The following NDUFS8 variants were observed in gnomAD, a reference collection of about 807,000 sequenced individuals.
NDUFS8 encodes the protein NADH:ubiquinone oxidoreductase core subunit S8, also known as NADH dehydrogenase [ubiquinone] iron-sulfur protein 8, mitochondrial.
NDUFS8 carries 13 observed loss-of-function variants against 25.6 expected under a neutral mutation model. That is an observed-to-expected ratio of 0.51 (90% confidence interval 0.33 to 0.81). NDUFS8 has a LOEUF of 0.81. NDUFS8 is among the 30% of genes least tolerant of loss of function. NDUFS8 has a pLI of 0.02. For synonymous variants in NDUFS8, 119 were observed against 119.4 expected (o/e 1.00, Z 0.02); for missense variants, 257 against 300.9 (o/e 0.85, Z 1.08).
intron 3 of NDUFS8, 188 bp from the exon 4 acceptor site, chr11:68,032,735 G>A (rs766645472): frequency 2.6e-5 from 21 of 797,010 alleles, no homozygotes; most frequent in African/African-American, 5.1e-5. Context: ...AGGTAGGCAC[G>A]GACGGGCTCA....
intron 5 of NDUFS8, chr11:68,034,040 G>A (rs889780209): frequency 6.5e-6 from 1 of 155,006 alleles, no homozygotes; most frequent in African/African-American, 2.4e-5. Context: ...GCTGTCCACA[G>A]ACAGACCCGG....
chr11:68,030,888 G>T, intron 1 of NDUFS8, 155 bp downstream of exon 1: 1 of 447,910 alleles, frequency 2.2e-6, no homozygotes, highest in Non-Finnish European at 4.5e-6. Context: ...GTGCAGCGGG[G>T]AGCCGGCTCT....
At chr11:68,032,520 C>T (rs976301824) in intron 3 of NDUFS8, 184 bp downstream of exon 3, 9 of 1,503,188 alleles carry the variant, frequency 6.0e-6, no homozygotes, top group South Asian at 2.5e-5. Context: ...CCATCATTGC[C>T]GAGGTTAGCA....
At chr11:68,033,761 C>T (rs1264777602) in intron 5 of NDUFS8, 1 of 232,344 alleles carries the variant, frequency 4.3e-6, no homozygotes, top group Non-Finnish European at 8.8e-6. Flanking sequence ...ATGACTCGGT[C>T]AGAGCTCTGG....
intron 3 of NDUFS8, 29 bp downstream of exon 3, chr11:68,032,365 G>C: frequency 6.2e-7 from 1 of 1,612,962 alleles, no homozygotes; most frequent in Non-Finnish European, 8.5e-7. Flanking sequence ...TCTAGCCTCA[G>C]GTGTTCCTGA....
chr11:68,036,031 AAAAAAAAAAAAC>A, intron 5 of NDUFS8: 2 of 515,462 alleles, frequency 3.9e-6, no homozygotes, highest in Non-Finnish European at 3.4e-6. Context: ...AAAAAAAAAA[AAAAAAAAAAAAC>A]CAGCAAGGCA....
chr11:68,035,478 C>A, intron 5 of NDUFS8: 2 of 233,112 alleles, frequency 8.6e-6, no homozygotes, highest in Non-Finnish European at 1.8e-5. Context: ...AAGTGCTGAC[C>A]CAGAGATAAG....
intron 5 of NDUFS8, chr11:68,034,884 C>T (rs986968618): frequency 6.6e-6 from 1 of 151,916 alleles, no homozygotes; most frequent in African/African-American, 2.4e-5. Context: ...GCCTGGCCAA[C>T]ATGTTGAAAC....
At chr11:68,034,235 T>G (rs1854835637) in intron 5 of NDUFS8, 1 of 152,224 alleles carries the variant, frequency 6.6e-6, no homozygotes, top group Non-Finnish European at 1.5e-5. Flanking sequence ...CCAAGCACAT[T>G]TGAAGGTTTT....
At chr11:68,031,198 C>T in intron 1 of NDUFS8, 1 of 218,552 alleles carries the variant, frequency 4.6e-6, no homozygotes, top group Non-Finnish European at 9.6e-6. Context: ...GGTCACGCGG[C>T]AGGCTGGGGG....
intron 5 of NDUFS8, 163 bp from the exon 6 acceptor site, chr11:68,036,090 C>A (rs1447632153): frequency 1.8e-6 from 2 of 1,129,904 alleles, no homozygotes; most frequent in Non-Finnish European, 2.5e-6. Flanking sequence ...GAGACAGGCG[C>A]GAGCACCAGA....
In NDUFS8 at chr11:68,033,025, C is replaced by T. The variant is rs1422227528; in HGVS notation, c.199+13C>T. 6.2e-7 allele frequency: 1 copy of T among 1,613,656 alleles called. No homozygotes were observed. Among genetic ancestry groups the T allele is most frequent in the African/African-American group, 1.3e-5 (1 of 75,030 alleles). On this transcript the variant is annotated intron_variant, in intron 4 of 6. Transcript: ENST00000313468. The stretch of plus-strand genomic sequence containing the variant: ...GAGCTCTTCCGAGGTGCGTCCTGGG[C>T]ATGAGGGGACAGGGAAGGTGCCGGG...
At chr11:68,033,998 A>G (rs1280718875) in intron 5 of NDUFS8, 1 of 155,544 alleles carries the variant, frequency 6.4e-6, no homozygotes, top group African/African-American at 2.4e-5. Flanking sequence ...AGCAGTCACG[A>G]TGGTCACAAC....
At chr11:68,034,446 TG>T (rs1854839798) in intron 5 of NDUFS8, 2 of 152,354 alleles carry the variant, frequency 1.3e-5, no homozygotes, top group South Asian at 2.1e-4. Flanking sequence ...TTCTTGGCGA[TG>T]TTGCAGGTTC....
In NDUFS8 at chr11:68,033,504, C is replaced by T. The variant is rs534395431; in HGVS notation, c.372+221C>T. The T allele has an allele frequency of 2.6e-5, 17 of 652,656 alleles. No individual in the cohort carries two copies. The Admixed American group carries it at 3.2e-4, about 12-fold the overall frequency. The allele number at this position is 652,656 out of a possible 1,614,324, so 40.4% of individuals were successfully genotyped here. On this transcript the variant is annotated intron_variant, in intron 5 of 6. Coordinates refer to ENST00000313468, the MANE Select transcript of NDUFS8 (RefSeq NM_002496.4). ...AGTGAAGCTTCCAGCCCTGGGCAGG[C>T]GCCTGACACACAGAGGTTCCCCCTT...
At chr11:68,031,818 T>G in intron 1 of NDUFS8, 1 of 434,070 alleles carries the variant, frequency 2.3e-6, no homozygotes, top group Non-Finnish European at 4.3e-6. Flanking sequence ...TAATGTTGTT[T>G]TTGGTTAGAT....
At chr11:68,035,096 C>T (rs780336598) in intron 5 of NDUFS8, 2 of 151,970 alleles carry the variant, frequency 1.3e-5, no homozygotes, top group Non-Finnish European at 2.9e-5. Flanking sequence ...TTACACTGTA[C>T]TGTAGGCTGC....
At chr11:68,033,661 A>T (rs1854818786) in intron 5 of NDUFS8, 1 of 323,312 alleles carries the variant, frequency 3.1e-6, no homozygotes, top group Admixed American at 4.4e-5. Flanking sequence ...TCCCTTCCCC[A>T]GTGGCTGCTC....
At chr11:68,033,408 C>T (rs1394387675) in intron 5 of NDUFS8, 125 bp downstream of exon 5, 3 of 1,115,264 alleles carry the variant, frequency 2.7e-6, no homozygotes, top group African/African-American at 3.1e-5. Flanking sequence ...CTTTCCCCCT[C>T]TGAGCCACTT....
Sources: allele counts gnomAD v4.1 joint callset, GRCh38; gene constraint gnomAD v4.1.1; transcripts MANE v1.5; gene names NCBI Gene and HGNC (gene_info 2026-07-23, HGNC 2026-07-21).